Variants in DNER observed in about 807,000 individuals in gnomAD.
DNER encodes delta and Notch-like epidermal growth factor-related receptor.
In DNER, 33 loss-of-function variants were observed where a neutral mutation model predicts 78.2. The observed-to-expected ratio is 0.42, with a 90% CI of 0.32 to 0.56. The LOEUF is 0.56. Ranked by LOEUF, DNER falls within the 20% of genes least tolerant of loss-of-function variation. DNER has a pLI of 0.11. For synonymous variants in DNER, 417 were observed against 384.8 expected (o/e 1.08, Z -0.98); for missense variants, 918 against 975.3 (o/e 0.94, Z 0.78).
chr2:229,547,422 T>TC (rs1212243713), intron 4 of DNER, among the ~76,000 whole-genome samples: 6 of 152,200 alleles, frequency 3.9e-5, no homozygotes, highest in African/African-American at 1.4e-4. Flanking sequence ...TGTCTCTCAA[T>TC]CCCATCCCTG....
rs144552420 is a variant in DNER, at chr2:229,508,347, A to T, written c.1147+4436T>A. ...TACCTTAAAAACCTCCAGCACATAC[A>T]CAACAGAAGACATACAAGAATGCAT... On this transcript the variant is annotated intron_variant, in intron 6 of 12. Coordinates refer to ENST00000341772, the MANE Select transcript of DNER (RefSeq NM_139072.4). Among the ~76,000 whole-genome samples, 287 of 152,282 alleles carry T rather than the reference A, an allele frequency of 1.9e-3. 1 individual carries two copies. The highest frequency in any genetic ancestry group is 6.4e-3 in the African/African-American group (266 of 41,552).
rs200846828 is a variant in DNER at position 229,418,130 on chromosome 2, A to G, written c.1587T>C (p.Cys529=). The change falls in exon 9 of 13, where the codon TGT becomes TGC. Residue 529 remains cysteine (C), a synonymous_variant. Transcript: ENST00000341772. ...TCRDLVNGYE[C]VCLAEYKGTH... is the part of the protein sequence containing the mutation. ...CACCTTTGTATTCTGCCAGGCACAC[A>G]CACTCATAGCCATTAACGAGGTCCC... 1 of 1,614,160 alleles carries G rather than the reference A, an allele frequency of 6.2e-7. No homozygotes were observed. Among genetic ancestry groups the G allele is most frequent in the East Asian group, 2.2e-5 (1 of 44,876 alleles).
intron 4 of DNER, among the ~76,000 whole-genome samples, chr2:229,574,264 G>A (rs1311918206): frequency 6.6e-6 from 1 of 152,058 alleles, no homozygotes; most frequent in Non-Finnish European, 1.5e-5. Flanking sequence ...AATCATCCGA[G>A]AAGACACAAA....
At chr2:229,545,741 C>A (rs929237507) in intron 5 of DNER, among the ~76,000 whole-genome samples, 14 of 152,198 alleles carry the variant, frequency 9.2e-5, no homozygotes, top group Non-Finnish European at 2.1e-4. Context: ...GCCACATCTG[C>A]TGAAGAAAAA....
intron 5 of DNER, among the ~76,000 whole-genome samples, chr2:229,536,837 G>A (rs1017743900): frequency 6.6e-6 from 1 of 152,144 alleles, no homozygotes; most frequent in Admixed American, 6.5e-5. Context: ...GTTCCTGGAG[G>A]CGTATGAAGG....
chr2:229,452,684 A>C (rs62191988), intron 7 of DNER, among the ~76,000 whole-genome samples: 35,744 of 152,168 alleles, frequency 0.23, 4,633 homozygotes, highest in Non-Finnish European at 0.29. Context: ...GCTGAAGTGC[A>C]GTGGCATGAT....
chr2:229,669,850 T>G (rs951152327), intron 1 of DNER, among the ~76,000 whole-genome samples: 1 of 152,198 alleles, frequency 6.6e-6, no homozygotes, highest in African/African-American at 2.4e-5. Context: ...CATAACATTT[T>G]TTCTAAAATA....
chr2:229,364,632 A>G (rs1165365004), intron 12 of DNER, among the ~76,000 whole-genome samples: 1 of 152,140 alleles, frequency 6.6e-6, no homozygotes, highest in African/African-American at 2.4e-5. Context: ...GCACTGGTGC[A>G]GATGCTCAGG....
chr2:229,503,804 C>A (rs1031029148), intron 6 of DNER, among the ~76,000 whole-genome samples: 1 of 152,226 alleles, frequency 6.6e-6, no homozygotes, highest in Non-Finnish European at 1.5e-5. Context: ...TATAGTAGCA[C>A]TACCTCAGCT....
At position 229,528,079 on chromosome 2, in the gene DNER, C is replaced by T. The variant is rs528169786; in HGVS notation, c.994-15143G>A. Among the ~76,000 whole-genome samples, 23 of 152,344 alleles carry T rather than the reference C, an allele frequency of 1.5e-4. No homozygotes were observed. The South Asian group carries it at 4.8e-3, about 32-fold the overall frequency. ...ACTCAGAAATTTAAGTATCAACTTT[C>T]TTCCAACAATTATCCTGCAAGATTA... On this transcript the variant is annotated intron_variant, in intron 5 of 12. Coordinates refer to ENST00000341772, the MANE Select transcript of DNER (RefSeq NM_139072.4).
intron 6 of DNER, among the ~76,000 whole-genome samples, chr2:229,482,402 C>T (rs1283636458): frequency 6.6e-6 from 1 of 152,192 alleles, no homozygotes; most frequent in Non-Finnish European, 1.5e-5. Flanking sequence ...TAAAACCCTC[C>T]AATGGCTTCC....
At chr2:229,492,225 GA>G (rs1450009714) in intron 6 of DNER, among the ~76,000 whole-genome samples, 1 of 152,156 alleles carries the variant, frequency 6.6e-6, no homozygotes, top group Non-Finnish European at 1.5e-5. Flanking sequence ...TAAAGATGAG[GA>G]AACCAGAAGG....
intron 5 of DNER, among the ~76,000 whole-genome samples, chr2:229,537,511 G>T (rs1472406146): frequency 3.3e-5 from 5 of 152,100 alleles, no homozygotes; most frequent in African/African-American, 1.2e-4. Flanking sequence ...CTTAGACCTT[G>T]ATTTCCTGGT....
intron 8 of DNER, among the ~76,000 whole-genome samples, chr2:229,428,995 A>G (rs1693946586): frequency 6.6e-6 from 1 of 152,194 alleles, no homozygotes; most frequent in Non-Finnish European, 1.5e-5. Flanking sequence ...GGTCCAGAAC[A>G]TGATGGAATT....
chr2:229,704,717 C>A (rs146784801), intron 1 of DNER, among the ~76,000 whole-genome samples: 1 of 152,102 alleles, frequency 6.6e-6, no homozygotes, highest in African/African-American at 2.4e-5. Context: ...GGGATGATTG[C>A]GGTGGTGTTA....
At chr2:229,668,530 GTGTGTGTATATATATATATA>G (rs1469852503) in intron 1 of DNER, among the ~76,000 whole-genome samples, 747 of 5,496 alleles carry the variant, frequency 0.14, 17 homozygotes, top group Middle Eastern at 0.44. Flanking sequence ...GTGTGTGTGT[GTGTGTGTATATATATATATA>G]TATATATATA....
intron 10 of DNER, among the ~76,000 whole-genome samples, chr2:229,396,497 G>T (rs918496993): frequency 1.3e-5 from 2 of 152,152 alleles, no homozygotes; most frequent in African/African-American, 4.8e-5. Flanking sequence ...AGAATAAAAG[G>T]GTGGGGAATG....
intron 1 of DNER, among the ~76,000 whole-genome samples, chr2:229,610,455 T>A (rs1698025700): frequency 6.6e-6 from 1 of 152,248 alleles, no homozygotes; most frequent in South Asian, 2.1e-4. Flanking sequence ...AGCCTGCAGC[T>A]GACGTTCATG....
chr2:229,487,975 C>T (rs1278139836), intron 6 of DNER, among the ~76,000 whole-genome samples: 2 of 152,208 alleles, frequency 1.3e-5, no homozygotes, highest in Admixed American at 1.3e-4. Context: ...ATGGCATCTT[C>T]AAAGGTTTCT....
Sources: allele counts gnomAD v4.1 joint callset (sites outside exome capture counted in the v4.1 genomes callset), GRCh38; gene constraint gnomAD v4.1.1; transcripts MANE v1.5; gene names NCBI Gene and HGNC (gene_info 2026-07-23, HGNC 2026-07-21).